TSEN54: variants seen among roughly 807,000 people sequenced by gnomAD.
TSEN54 encodes tRNA-splicing endonuclease subunit Sen54.
Under a neutral mutation model 61.9 loss-of-function variants are expected in TSEN54, and 55 were observed. That is an observed-to-expected ratio of 0.89 (90% CI 0.72 to 1.11). TSEN54 has a LOEUF of 1.11. Among genes scored for constraint, TSEN54 ranks in the 50% most tolerant of loss-of-function variants. TSEN54 has a pLI of 0.00. For synonymous variants in TSEN54, 304 were observed against 288.7 expected (o/e 1.05, Z -0.54); for missense variants, 760 against 687.7 (o/e 1.11, Z -1.18).
At chr17:75,521,680 G>A in intron 7 of TSEN54, 25 bp from the exon 8 acceptor site, 1 of 1,611,708 alleles carries the variant, frequency 6.2e-7, no homozygotes, top group East Asian at 2.2e-5. Context: ...GGGCAGATGT[G>A]CTGCTTTTCC....
chr17:75,523,103 T>C (rs2053446036), intron 8 of TSEN54, 172 bp from the exon 9 acceptor site: 3 of 781,788 alleles, frequency 3.8e-6, no homozygotes, highest in Non-Finnish European at 6.6e-6. Flanking sequence ...TGCTTGAACC[T>C]GGGAGGCAGA....
chr17:75,522,107 C>T lies in TSEN54; in HGVS notation c.1026C>T (p.Asn342=), dbSNP rs1295706253. The part of the protein sequence containing the change: ...TDAESWCQKL[N]QRKEKLSRRE... ...CTGAGTCCTGGTGCCAGAAGCTGAA[C>T]CAGCGCAAGGAGAAGCTCTCCAGGC... The change falls in exon 8 of 11, where the codon AAC becomes AAT. Residue 342 remains asparagine (N), a synonymous_variant. Coordinates refer to ENST00000333213, the MANE Select transcript of TSEN54 (RefSeq NM_207346.3). 2.5e-6 allele frequency: 4 copies of T among 1,581,630 alleles called. No homozygotes were observed. The highest frequency in any genetic ancestry group is 1.2e-5 in the South Asian group (1 of 86,926).
In TSEN54 at chr17:75,521,748, CCCAAGAGTCTGGCAG is replaced by C; in HGVS notation, c.670_684del (p.Lys224_Ala228del). On this transcript the variant is annotated inframe_deletion, in exon 8 of 11. Transcript: ENST00000333213. ...CAAGGCCCTGGACAACTCCCTGCAACCCAAGAGTCTGGCAGCCTCCAGCCCACCTCCCTGCAGCCA... is the reference window on the plus strand; with the variant it reads ...CAAGGCCCTGGACAACTCCCTGCAACCCTCCAGCCCACCTCCCTGCAGCCA... The C allele has an allele frequency of 6.2e-7, 1 of 1,613,098 alleles. No homozygotes were observed. Among genetic ancestry groups the C allele is most frequent in the Non-Finnish European group, 8.5e-7 (1 of 1,180,000 alleles).
chr17:75,517,278 G>A (rs2053382276), intron 4 of TSEN54, 34 bp downstream of exon 4: 2 of 1,567,318 alleles, frequency 1.3e-6, no homozygotes, highest in Non-Finnish European at 1.7e-6. Context: ...GAAGGAGTTG[G>A]GACCAAAGAA....
chr17:75,519,280 C>T (rs750036386), intron 6 of TSEN54, among the ~76,000 whole-genome samples: 16 of 152,172 alleles, frequency 1.1e-4, no homozygotes, highest in African/African-American at 1.9e-4. Flanking sequence ...AGATGACCTG[C>T]GCCTGCAGCT....
At position 75,521,409 on chromosome 17, in the gene TSEN54, C is replaced by G. The variant is rs2053425831; in HGVS notation, c.522C>G (p.Ser174Arg). ...LGYVVRRFQP[S>R]SVLSPYERQL... ...CCCACCCGCTGTTCTCACCCCACAG[C>G]TCTGTCCTGTCCCCGTATGAGAGGC... Residue 174 changes from serine to arginine, a missense_variant and splice_region_variant, in exon 7 of 11, where the codon AGC (serine) becomes AGG (arginine). Coordinates refer to ENST00000333213, the MANE Select transcript of TSEN54 (RefSeq NM_207346.3). The G allele has an allele frequency of 6.2e-7, 1 of 1,613,834 alleles. No homozygotes were observed. Among genetic ancestry groups the G allele is most frequent in the Admixed American group, 1.7e-5 (1 of 60,006 alleles).
At position 75,523,360 on chromosome 17, in the gene TSEN54, C is replaced by T. The variant is rs2147015789; in HGVS notation, c.1313+25C>T. 5.0e-6 allele frequency: 8 copies of T among 1,613,920 alleles called. No individual in the cohort carries two copies. The East Asian group carries it at 1.8e-4, about 36-fold the overall frequency. On this transcript the variant is annotated intron_variant, in intron 9 of 10. Transcript: ENST00000333213. ...GGTAAGTTTCCAAGCAGTGCCGTCT[C>T]TGCAGTACCTTGACCGCCAGGAGTT...
At chr17:75,523,156 G>A in intron 8 of TSEN54, 119 bp from the exon 9 acceptor site, 1 of 1,324,480 alleles carries the variant, frequency 7.6e-7, no homozygotes, top group Non-Finnish European at 1.1e-6. Context: ...TCCAGCCTGG[G>A]TGACAGAGTG....
At chr17:75,523,437 A>G (rs2053453006) in intron 9 of TSEN54, 102 bp downstream of exon 9, 1 of 1,607,848 alleles carries the variant, frequency 6.2e-7, no homozygotes, top group African/African-American at 1.3e-5. Context: ...GGACTGTTCC[A>G]GGGACTCCTA....
chr17:75,518,690 G>T, intron 5 of TSEN54: 1 of 985,382 alleles, frequency 1.0e-6, no homozygotes, highest in Non-Finnish European at 1.2e-6. Flanking sequence ...TATGAGCTTT[G>T]TATCAAAATA....
intron 6 of TSEN54, among the ~76,000 whole-genome samples, chr17:75,519,853 A>G (rs2053409561): frequency 6.6e-6 from 1 of 152,198 alleles, no homozygotes; most frequent in African/African-American, 2.4e-5. Flanking sequence ...GATTACAGGC[A>G]TGAGTCACCA....
Position 75,522,010 on chromosome 17 carries a change from G to A in TSEN54, c.929G>A (p.Ser310Asn). 1 of 1,588,196 alleles carries A rather than the reference G, an allele frequency of 6.3e-7. No individual in the cohort carries two copies. The highest frequency in any genetic ancestry group is 1.8e-5 in the Admixed American group (1 of 56,078). The stretch of plus-strand genomic sequence containing the variant: ...TCCTTCCCCAACATGGCTTCAGACA[G>A]CCGCCACACCCTTCTGCGCGCCCCA... ...QISFPNMASDSRHTLLRAPAP... is the reference protein window; with the variant it reads ...QISFPNMASDNRHTLLRAPAP... The change falls in exon 8 of 11, where the codon AGC becomes AAC. Residue 310 changes from serine (S) to asparagine (N), a missense_variant. This residue lies in a region of TSEN54 where 667 missense variants were observed against 577.8 expected (regional missense o/e 1.15). Coordinates refer to ENST00000333213, the MANE Select transcript of TSEN54 (RefSeq NM_207346.3).
At chr17:75,519,109 A>G (rs1352277431) in intron 6 of TSEN54, 62 bp downstream of exon 6, 5 of 1,595,104 alleles carry the variant, frequency 3.1e-6, no homozygotes, top group Non-Finnish European at 4.3e-6. Flanking sequence ...TGACTAGTCT[A>G]AGGTAGAAAA....
At chr17:75,523,824 TCTC>T in intron 10 of TSEN54, 45 bp downstream of exon 10, 11 of 1,600,096 alleles carry the variant, frequency 6.9e-6, no homozygotes, top group Non-Finnish European at 8.5e-6. Context: ...TGCTGCCAGT[TCTC>T]CTGTGAACCA....
At chr17:75,520,544 C>A (rs1423807087) in intron 6 of TSEN54, among the ~76,000 whole-genome samples, 1 of 149,966 alleles carries the variant, frequency 6.7e-6, no homozygotes, top group East Asian at 1.9e-4. Context: ...CGAGATCTTG[C>A]CAGTGCACTC....
Position 75,522,058 on chromosome 17 carries a change from AC to A in TSEN54, c.978del (p.Asn326LysfsTer16). 6.3e-7 allele frequency: 1 copy of A among 1,589,504 alleles called. No individual in the cohort carries two copies. The highest frequency in any genetic ancestry group is 1.3e-5 in the African/African-American group (1 of 74,376). On this transcript the variant is annotated frameshift_variant, in exon 8 of 11. Coordinates refer to ENST00000333213, the MANE Select transcript of TSEN54 (RefSeq NM_207346.3). LOFTEE classifies it high-confidence loss of function. ...RAPAPELLPA[N>X]VAGRETDAES... ...CCAGCCCCAGAGCTGCTCCCGGCCA[AC>A]GTGGCTGGGCGGGAGACAGACGCTG...
In TSEN54 at chr17:75,517,241, G is replaced by C; in HGVS notation, c.366G>C (p.Glu122Asp). ...CGGAAGAGGCCTTGTATCTTCTGGA[G>C]TGTGTAAGTGGGGCCCGGGAGGTGG... ...LHPEEALYLL[E>D]CGSIHLFHQD... The change falls in exon 4 of 11, where the codon GAG becomes GAC. Residue 122 changes from glutamate to aspartate, a missense_variant. Transcript: ENST00000333213. The C allele has an allele frequency of 6.3e-7, 1 of 1,595,438 alleles. No homozygotes were observed. Among genetic ancestry groups the C allele is most frequent in the Non-Finnish European group, 8.5e-7 (1 of 1,171,244 alleles).
In TSEN54 at chr17:75,521,975, C is replaced by G. The variant is rs564262300; in HGVS notation, c.894C>G (p.Phe298Leu). The part of the protein sequence containing the change: ...VTGAGKRRWN[F>L]EQISFPNMAS... The stretch of plus-strand genomic sequence containing the variant: ...GAGCCGGTAAGCGGCGCTGGAACTT[C>G]GAGCAGATCTCCTTCCCCAACATGG... The change falls in exon 8 of 11, where the codon TTC becomes TTG. Residue 298 changes from phenylalanine (F) to leucine (L), a missense_variant. This residue lies in a region of TSEN54 where 667 missense variants were observed against 577.8 expected (regional missense o/e 1.15). Transcript: ENST00000333213. 30 of 1,607,994 alleles carry G rather than the reference C, an allele frequency of 1.9e-5. No homozygotes were observed. Among genetic ancestry groups the G allele is most frequent in the Non-Finnish European group, 2.4e-5 (28 of 1,178,028 alleles).
rs7216673 is a variant in TSEN54 at position 75,516,572 on chromosome 17, G to T, written c.12G>T (p.Glu4Asp). The change falls in exon 1 of 11, where the codon GAG becomes GAT. Residue 4 changes from glutamate (E) to aspartate (D), a missense_variant. Around this residue, in one of 3 missense-constraint regions of TSEN54, gnomAD observed 667 missense variants for 577.8 expected, o/e 1.15. Transcript: ENST00000333213. ...CAGGCGGCGGCGGGATGGAGCCCGAGCCCGAGCCCGCGGCCGTGGAGGTTC... is the reference window on the plus strand; with the variant it reads ...CAGGCGGCGGCGGGATGGAGCCCGATCCCGAGCCCGCGGCCGTGGAGGTTC... MEP[E>D]PEPAAVEVPA... 0.68 allele frequency: 784,247 copies of T among 1,149,816 alleles called. 271,174 individuals carry two copies. The highest frequency in any genetic ancestry group is 0.71 in the Non-Finnish European group (664,840 of 937,114). 71.2% of individuals were successfully genotyped at this position (1,149,816 alleles called of 1,614,324 possible).
Sources: allele counts gnomAD v4.1 joint callset (sites outside exome capture counted in the v4.1 genomes callset), GRCh38; gene constraint gnomAD v4.1.1; regional missense constraint gnomAD v4.1.1; transcripts MANE v1.5; gene names NCBI Gene and HGNC (gene_info 2026-07-23, HGNC 2026-07-21).